The following FMN2 variants were observed in gnomAD, a reference collection of about 807,000 sequenced individuals.
FMN2 encodes formin 2, also known as formin-2.
In FMN2, 51 loss-of-function variants were observed where a neutral mutation model predicts 142.3. That is an observed-to-expected ratio of 0.36 (90% CI 0.29 to 0.45). The LOEUF (loss-of-function observed/expected upper bound fraction) is 0.45, where lower values mean the gene tolerates loss of function less well. Ranked by LOEUF, FMN2 falls within the 20% of genes least tolerant of loss-of-function variation. FMN2 has a pLI of 1.00. For synonymous variants in FMN2, 882 were observed against 869.8 expected (o/e 1.01, Z -0.25); for missense variants, 1,936 against 2,122.8 (o/e 0.91, Z 1.73).
intron 9 of FMN2, 70 bp downstream of exon 9, chr1:240,329,237 A>G (rs1671298384): frequency 6.2e-7 from 1 of 1,601,152 alleles, no homozygotes; most frequent in Admixed American, 1.7e-5. Flanking sequence ...TGGAAAATGC[A>G]AATGCGGTGT....
intron 2 of FMN2, among the ~76,000 whole-genome samples, chr1:240,127,981 C>T (rs560546073): frequency 3.9e-5 from 6 of 151,968 alleles, no homozygotes; most frequent in Non-Finnish European, 7.4e-5. Context: ...GCAGACATGG[C>T]GACAAGAGAA....
rs1042234550 is a variant in FMN2, at chr1:240,293,601, T to G, written c.4154-1221T>G. On this transcript the variant is annotated intron_variant, in intron 7 of 17. Coordinates refer to ENST00000319653, the MANE Select transcript of FMN2 (RefSeq NM_020066.5). ...GTATTTGGACTGTGCCTTTACTACT[T>G]TGAAACATTAAAGTTCACGATATTT... Among the ~76,000 whole-genome samples the G allele has an allele frequency of 4.6e-5, 7 of 152,300 alleles. No homozygotes were observed. In the East Asian group the frequency reaches 1.4e-3, roughly 29 times the overall value.
chr1:240,139,866 T>C (rs897303009), intron 2 of FMN2, among the ~76,000 whole-genome samples: 1 of 152,084 alleles, frequency 6.6e-6, no homozygotes, highest in African/African-American at 2.4e-5. Flanking sequence ...ATTGAAGGTA[T>C]CAGCCTAAAG....
chr1:240,436,690 A>AAC (rs56058196), intron 15 of FMN2, among the ~76,000 whole-genome samples: 15,379 of 150,110 alleles, frequency 0.1, 1,875 homozygotes, highest in African/African-American at 0.3. Flanking sequence ...AAAAAAAAAA[A>AAC]CTCAATATTT....
intron 7 of FMN2, among the ~76,000 whole-genome samples, chr1:240,284,539 A>G (rs1669522709): frequency 6.6e-6 from 1 of 151,870 alleles, no homozygotes; most frequent in Non-Finnish European, 1.5e-5. Context: ...CCACTCTTGG[A>G]ATTCTTTGTC....
intron 2 of FMN2, among the ~76,000 whole-genome samples, chr1:240,160,575 C>T (rs890684102): frequency 2.0e-5 from 3 of 151,530 alleles, no homozygotes; most frequent in Non-Finnish European, 4.4e-5. Flanking sequence ...CCATTCATGA[C>T]AGAAACTCTT....
At chr1:240,180,803 G>A (rs1332231872) in intron 3 of FMN2, among the ~76,000 whole-genome samples, 1 of 151,862 alleles carries the variant, frequency 6.6e-6, no homozygotes, top group Admixed American at 6.6e-5. Flanking sequence ...CTGACCTCAA[G>A]TGATCTGCCC....
intron 6 of FMN2, among the ~76,000 whole-genome samples, chr1:240,241,893 C>G (rs1020488435): frequency 6.9e-6 from 1 of 145,922 alleles, no homozygotes; most frequent in Non-Finnish European, 1.5e-5. Flanking sequence ...CTGGATCTCG[C>G]CTCACTGCAA....
chr1:240,109,351 C>T (rs962449674), intron 1 of FMN2, among the ~76,000 whole-genome samples: 2 of 152,168 alleles, frequency 1.3e-5, no homozygotes, highest in African/African-American at 2.4e-5. Context: ...GTCACTTGAT[C>T]GTCCTCATGA....
At chr1:240,134,784 C>T (rs1662873938) in intron 2 of FMN2, among the ~76,000 whole-genome samples, 1 of 152,096 alleles carries the variant, frequency 6.6e-6, no homozygotes, top group South Asian at 2.1e-4. Context: ...GGGCTTATTG[C>T]CATCCTCCTT....
At chr1:240,443,685 G>A (rs1013508700) in intron 16 of FMN2, among the ~76,000 whole-genome samples, 5 of 152,096 alleles carry the variant, frequency 3.3e-5, no homozygotes, top group African/African-American at 4.8e-5. Context: ...CCTGGGAGGC[G>A]TAGGGTGCAG....
At position 240,184,819 on chromosome 1, in the gene FMN2, T is replaced by C. The variant is rs569818551; in HGVS notation, c.1931-3388T>C. 2.1e-4 allele frequency among the ~76,000 whole-genome samples: 32 copies of C among 152,010 alleles called. 1 individual carries two copies. The highest frequency in any genetic ancestry group is 8.5e-4 in the Admixed American group (13 of 15,266). On this transcript the variant is annotated intron_variant, in intron 3 of 17. Coordinates refer to ENST00000319653, the MANE Select transcript of FMN2 (RefSeq NM_020066.5). ...AGCTCTATGAAAGTTGGAACTAGGC[T>C]GATATCTCAGATTCACCTATCTAGT...
intron 15 of FMN2, among the ~76,000 whole-genome samples, chr1:240,425,644 T>A (rs2103151207): frequency 6.6e-6 from 1 of 152,312 alleles, no homozygotes; most frequent in African/African-American, 2.4e-5. Context: ...TTTACCCTGA[T>A]CAGGAAAGGG....
chr1:240,135,880 A>G (rs1458404592), intron 2 of FMN2, among the ~76,000 whole-genome samples: 2 of 151,680 alleles, frequency 1.3e-5, no homozygotes, highest in Non-Finnish European at 2.9e-5. Flanking sequence ...GGGTTTTACC[A>G]TGTTGGCCAG....
chr1:240,164,816 CAGT>C lies in FMN2; in HGVS notation c.1783-13098_1783-13096del, dbSNP rs904200494. 7.2e-5 allele frequency among the ~76,000 whole-genome samples: 11 copies of C among 152,128 alleles called. No individual in the cohort carries two copies. In the South Asian group the frequency reaches 1.2e-3, roughly 17 times the overall value. ...TATAGCATTTATAGGGCTTTGAAAT[CAGT>C]AGTAGTTTGATACTTTCTTTCATTT... On this transcript the variant is annotated intron_variant, in intron 2 of 17. Transcript: ENST00000319653.
At chr1:240,270,800 A>T (rs1385338183) in intron 7 of FMN2, among the ~76,000 whole-genome samples, 1 of 151,984 alleles carries the variant, frequency 6.6e-6, no homozygotes, top group Non-Finnish European at 1.5e-5. Flanking sequence ...AAAGTAATAG[A>T]GGTAGAAAGT....
intron 1 of FMN2, among the ~76,000 whole-genome samples, chr1:240,120,827 T>A (rs1427566432): frequency 6.6e-6 from 1 of 152,112 alleles, no homozygotes; most frequent in Non-Finnish European, 1.5e-5. Context: ...CTGATGAAAG[T>A]TTGTGAATGC....
chr1:240,282,665 AG>A (rs1669438796), intron 7 of FMN2, among the ~76,000 whole-genome samples: 2 of 152,206 alleles, frequency 1.3e-5, no homozygotes, highest in African/African-American at 4.8e-5. Flanking sequence ...GCATACTCAA[AG>A]GCCCCAGGTT....
At chr1:240,337,992 G>A (rs771475052) in intron 13 of FMN2, among the ~76,000 whole-genome samples, 3 of 152,156 alleles carry the variant, frequency 2.0e-5, no homozygotes, top group Non-Finnish European at 4.4e-5. Context: ...ATGTAGTCAT[G>A]CCAAATGATG....
Sources: gnomAD v4.1 joint callset for allele counts (sites outside exome capture counted in the v4.1 genomes callset) on GRCh38, gnomAD v4.1.1 for gene constraint, MANE v1.5 for transcripts, NCBI Gene and HGNC (gene_info 2026-07-23, HGNC 2026-07-21) for gene names.